Variants in MTREX observed in about 807,000 individuals in gnomAD.
MTREX encodes exosome RNA helicase MTR4.
In MTREX, 76 loss-of-function variants were observed where a neutral mutation model predicts 135.4. The observed-to-expected ratio is 0.56, with a 90% CI of 0.47 to 0.68. MTREX has a LOEUF of 0.68. Among genes scored for constraint, MTREX ranks in the 30% least tolerant of loss-of-function variants. The pLI is 0.00. For missense variants in MTREX, 920 were observed against 1,262.1 expected, an observed-to-expected ratio of 0.73 and a Z score of 4.11; for synonymous variants, 404 against 401.6, an observed-to-expected ratio of 1.01 and a Z score of -0.07.
At chr5:55,331,352 G>C (rs1290601546) in intron 5 of MTREX, among the ~76,000 whole-genome samples, 1 of 152,112 alleles carries the variant, frequency 6.6e-6, no homozygotes, top group African/African-American at 2.4e-5. Flanking sequence ...AAGTTACTTG[G>C]AAAAAATATC....
intron 16 of MTREX, among the ~76,000 whole-genome samples, chr5:55,373,925 C>A (rs1157554879): frequency 6.6e-6 from 1 of 151,992 alleles, no homozygotes; most frequent in African/African-American, 2.4e-5. Flanking sequence ...CATATTGAGT[C>A]ACAGAAGGCT....
chr5:55,391,123 G>T lies in MTREX; in HGVS notation c.2181+3021G>T, dbSNP rs528424998. On this transcript the variant is annotated intron_variant, in intron 19 of 26. Coordinates refer to ENST00000230640, the MANE Select transcript of MTREX (RefSeq NM_015360.5). ...ATGGATTAGGGATCCTTCCTTTAGAGTGCACCTAGCTTAGACCTAAAAAAT... is the reference window on the plus strand; with the variant it reads ...ATGGATTAGGGATCCTTCCTTTAGATTGCACCTAGCTTAGACCTAAAAAAT... Among the ~76,000 whole-genome samples, 6 of 152,148 alleles carry T rather than the reference G, an allele frequency of 3.9e-5. No individual in the cohort carries two copies. The East Asian group carries it at 9.7e-4, about 24-fold the overall frequency.
Position 55,324,125 on chromosome 5 carries a change from T to C in MTREX, c.273-7T>C. On this transcript the variant is annotated splice_region_variant and splice_polypyrimidine_tract_variant and intron_variant, in intron 2 of 26. Transcript: ENST00000230640. ...TTTTTGTGTAACTTTAAACAATTCT[T>C]TTTAAGTTTGGCAGACCTGATGCCC... 1 of 1,605,808 alleles carries C rather than the reference T, an allele frequency of 6.2e-7. No individual in the cohort carries two copies. Among genetic ancestry groups the C allele is most frequent in the Non-Finnish European group, 8.5e-7 (1 of 1,174,496 alleles).
At chr5:55,392,541 TAAAAA>T (rs34486683) in intron 19 of MTREX, among the ~76,000 whole-genome samples, 3 of 114,540 alleles carry the variant, frequency 2.6e-5, no homozygotes, top group Admixed American at 9.1e-5. Flanking sequence ...GGGCTCTGTC[TAAAAA>T]AAAAAAAAAA....
chr5:55,402,503 A>G lies in MTREX; in HGVS notation c.2481+2082A>G, dbSNP rs141145585. Among the ~76,000 whole-genome samples the G allele has an allele frequency of 6.6e-3, 1,005 of 152,150 alleles. 15 individuals carry two copies. The highest frequency in any genetic ancestry group is 0.022 in the African/African-American group (899 of 41,412). Reference sequence around the variant, plus strand: ...TTGAAGGCATTATCTGAGCTGCTCAAATATACTGAAAAAGACCTTGTCTGG... The same window carrying G: ...TTGAAGGCATTATCTGAGCTGCTCAGATATACTGAAAAAGACCTTGTCTGG... On this transcript the variant is annotated intron_variant, in intron 21 of 26. Coordinates refer to ENST00000230640, the MANE Select transcript of MTREX (RefSeq NM_015360.5).
Position 55,318,120 on chromosome 5 carries a change from G to T in MTREX, c.135-4207G>T, listed in dbSNP as rs145754790. 3.5e-3 allele frequency among the ~76,000 whole-genome samples: 535 copies of T among 152,192 alleles called. 2 individuals carry two copies. Among genetic ancestry groups the T allele is most frequent in the Non-Finnish European group, 6.0e-3 (410 of 67,978 alleles). On this transcript the variant is annotated intron_variant, in intron 1 of 26. Coordinates refer to ENST00000230640, the MANE Select transcript of MTREX (RefSeq NM_015360.5). ...GCTATTACTAAAAACTAAAAAAATA[G>T]CAGATGCTGTCAAGGTTGCAGAGAA...
intron 19 of MTREX, among the ~76,000 whole-genome samples, chr5:55,390,176 C>T (rs1260079698): frequency 2.0e-5 from 3 of 152,074 alleles, no homozygotes; most frequent in African/African-American, 7.2e-5. Flanking sequence ...AATCTTGGCT[C>T]ACTACCACCT....
chr5:55,382,886 A>G (rs1170148661), intron 18 of MTREX, among the ~76,000 whole-genome samples: 1 of 152,214 alleles, frequency 6.6e-6, no homozygotes, highest in Non-Finnish European at 1.5e-5. Context: ...CAGCTGCCTC[A>G]GCCTCCCAAA....
intron 7 of MTREX, among the ~76,000 whole-genome samples, chr5:55,342,144 A>G (rs543846131): frequency 1.0e-3 from 158 of 152,284 alleles, no homozygotes; most frequent in South Asian, 2.1e-3. Context: ...TCCTGGACTC[A>G]AGTGATCCTC....
At chr5:55,317,050 A>C (rs1159982423) in intron 1 of MTREX, among the ~76,000 whole-genome samples, 4 of 151,688 alleles carry the variant, frequency 2.6e-5, no homozygotes, top group South Asian at 2.1e-4. Context: ...CCCCCCTCCC[A>C]CACACACACA....
intron 15 of MTREX, among the ~76,000 whole-genome samples, chr5:55,361,612 A>G (rs9292090): frequency 0.14 from 21,324 of 151,314 alleles, 1,878 homozygotes; most frequent in East Asian, 0.27. Flanking sequence ...CTGCCGCCAC[A>G]CCCAGCTAAT....
At position 55,313,432 on chromosome 5, in the gene MTREX, C is replaced by T. The variant is rs530075744; in HGVS notation, c.134+5285C>T. On this transcript the variant is annotated intron_variant, in intron 1 of 26. Transcript: ENST00000230640. ...CTCTAGCCTAGGTAACAGAAAGAGA[C>T]ATGTCTCAAAAAAAAGAAAAGAAAA... Among the ~76,000 whole-genome samples, 9 of 152,048 alleles carry T rather than the reference C, an allele frequency of 5.9e-5. No homozygotes were observed. In the East Asian group the frequency reaches 1.5e-3, roughly 26 times the overall value.
intron 16 of MTREX, among the ~76,000 whole-genome samples, chr5:55,372,892 A>ATGTGTGTGTGTGTGTGTGTG (rs59026723): frequency 8.3e-6 from 1 of 120,914 alleles, no homozygotes; most frequent in Non-Finnish European, 1.7e-5. Context: ...TAAAACTGTA[A>ATGTGTGTGTGTGTGTGTGTG]TGTGTGTGTG....
In MTREX at chr5:55,425,385, A is replaced by T; in HGVS notation, c.*613A>T. ...TAATTTAGATCAAGTTAAAAACTAC[A>T]TACAAAGTTGTGATCAACAGCATCC... On this transcript the variant is annotated 3_prime_UTR_variant, in exon 27 of 27. Coordinates refer to ENST00000230640, the MANE Select transcript of MTREX (RefSeq NM_015360.5). 1 of 1,494,948 alleles carries T rather than the reference A, an allele frequency of 6.7e-7. No individual in the cohort carries two copies. The highest frequency in any genetic ancestry group is 9.1e-7 in the Non-Finnish European group (1 of 1,095,830). The allele number at this position is 1,494,948 out of a possible 1,614,324, so 92.6% of individuals were successfully genotyped here.
intron 14 of MTREX, chr5:55,356,460 T>G (rs892610702): frequency 9.6e-6 from 2 of 208,444 alleles, no homozygotes; most frequent in Admixed American, 9.0e-5. Flanking sequence ...GAGGAGGTTT[T>G]GGGAGATGAA....
rs374226575 is a variant in MTREX, at chr5:55,396,113, TG to T, written c.2182-1302del. Among the ~76,000 whole-genome samples the T allele has an allele frequency of 1.3e-3, 204 of 152,300 alleles. 2 individuals are homozygous for T. The Middle Eastern group carries it at 0.024, about 18-fold the overall frequency. On this transcript the variant is annotated intron_variant, in intron 19 of 26. Transcript: ENST00000230640. ...TAATTAGTGAATTGAAATAAGGGTA[TG>T]TGGGATTTATTTCATTCTTACAAGT...
At chr5:55,388,143 G>T in intron 19 of MTREX, 41 bp downstream of exon 19, 2 of 1,556,944 alleles carry the variant, frequency 1.3e-6, no homozygotes, top group Non-Finnish European at 1.8e-6. Context: ...CAGATATTCT[G>T]TAACTTATTT....
Position 55,322,364 on chromosome 5 carries a change from A to C in MTREX, c.172A>C (p.Asn58His), listed in dbSNP as rs376118901. The C allele has an allele frequency of 1.2e-4, 186 of 1,606,024 alleles. 2 individuals carry two copies. Among genetic ancestry groups the C allele is most frequent in the Non-Finnish European group, 1.5e-4 (171 of 1,176,456 alleles). Reference sequence around the variant, plus strand: ...TGGTAAATTACAATCAGAATCAACTAATAATGGAAAAAATAAGAGAGATGT... The same window carrying C: ...TGGTAAATTACAATCAGAATCAACTCATAATGGAAAAAATAAGAGAGATGT... ...FDGKLQSEST[N>H]NGKNKRDVDF... Residue 58 changes from asparagine (N) to histidine (H), a missense_variant, in exon 2 of 27, where the codon AAT becomes CAT. Physicochemically the swap from Asn to His is moderately conservative, Grantham distance 68. This residue lies in a region of MTREX where 136 missense variants were observed against 126.7 expected (regional missense o/e 1.07). Transcript: ENST00000230640.
chr5:55,416,300 T>C (rs1205251257), intron 25 of MTREX, among the ~76,000 whole-genome samples, 168 bp downstream of exon 25: 1 of 152,134 alleles, frequency 6.6e-6, no homozygotes, highest in Admixed American at 6.6e-5. Context: ...CTTTGTATTA[T>C]TTAATAAGCA....
Sources: gnomAD v4.1 joint callset for allele counts (sites outside exome capture counted in the v4.1 genomes callset) on GRCh38, gnomAD v4.1.1 for gene constraint, gnomAD v4.1.1 regional missense constraint, MANE v1.5 for transcripts, NCBI Gene and HGNC (gene_info 2026-07-23, HGNC 2026-07-21) for gene names.